The following TGFBRAP1 variants were observed in gnomAD, a reference collection of about 807,000 sequenced individuals.
TGFBRAP1 encodes the protein transforming growth factor beta receptor associated protein 1.
In TGFBRAP1, 20 loss-of-function variants were observed where a neutral mutation model predicts 83.2. The ratio of observed to expected loss-of-function variants is 0.24; its 90% confidence interval spans 0.17 to 0.35. The LOEUF is 0.35. Among genes scored for constraint, TGFBRAP1 ranks in the 10% least tolerant of loss-of-function variants. The probability of loss-of-function intolerance (pLI) is 1.00; values close to 1 mark genes in which losing one functional copy is unlikely to be tolerated. For synonymous variants in TGFBRAP1, 415 were observed against 459.8 expected, an observed-to-expected ratio of 0.90 and a Z score of 1.25; for missense variants, 950 against 1,099.4, an observed-to-expected ratio of 0.86 and a Z score of 1.92.
intron 4 of TGFBRAP1, among the ~76,000 whole-genome samples, chr2:105,284,851 A>G (rs1244350775): frequency 2.0e-5 from 3 of 152,214 alleles, no homozygotes. Flanking sequence ...AGATGCAGAA[A>G]TGCTGCATGT....
chr2:105,302,852 C>G (rs552338051), intron 2 of TGFBRAP1, among the ~76,000 whole-genome samples: 1 of 152,286 alleles, frequency 6.6e-6, no homozygotes, highest in African/African-American at 2.4e-5. Flanking sequence ...CATAACCACA[C>G]AGAGGAGAAC....
Position 105,267,071 on chromosome 2 carries a change from C to CTTT in TGFBRAP1, c.*309_*311dup. 1.8e-5 allele frequency: 4 copies of CTTT among 221,922 alleles called. No homozygotes were observed. Among genetic ancestry groups the CTTT allele is most frequent in the Non-Finnish European group, 3.5e-5 (4 of 115,128 alleles). 13.7% of individuals were successfully genotyped at this position (221,922 alleles called of 1,614,324 possible). On this transcript the variant is annotated 3_prime_UTR_variant, in exon 12 of 12. Transcript: ENST00000393359. ...GTCTGGACTGCATGAGGAAGACTCC[C>CTTT]TTTTTTTTTTTTTCAAAGTAGACCT...
rs557992032 is a variant in TGFBRAP1 at position 105,273,106 on chromosome 2, G to A, written c.1813-92C>T. 3.8e-4 allele frequency: 565 copies of A among 1,498,238 alleles called. 1 individual carries two copies. The highest frequency in any genetic ancestry group is 4.7e-4 in the Non-Finnish European group (526 of 1,112,638). The allele number at this position is 1,498,238 out of a possible 1,614,324, so 92.8% of individuals were successfully genotyped here. ...CTGTCAGCCAGGGCTTGGAGACCGC[G>A]GCTGCACTGACATGAGCTGGGCAGA... is the stretch of plus-strand genomic sequence containing the variant. On this transcript the variant is annotated intron_variant, in intron 9 of 11. Coordinates refer to ENST00000393359, the MANE Select transcript of TGFBRAP1 (RefSeq NM_004257.6).
At chr2:105,311,649 AC>A (rs1678697732) in intron 1 of TGFBRAP1, among the ~76,000 whole-genome samples, 1 of 152,104 alleles carries the variant, frequency 6.6e-6, no homozygotes, top group Non-Finnish European at 1.5e-5. Context: ...CTGTAATCCC[AC>A]CATTTTGGGA....
At chr2:105,297,113 C>A (rs1678116112) in intron 3 of TGFBRAP1, among the ~76,000 whole-genome samples, 1 of 152,102 alleles carries the variant, frequency 6.6e-6, no homozygotes, top group African/African-American at 2.4e-5. Flanking sequence ...CACAGGTAGT[C>A]TGTGGAAGAG....
At chr2:105,286,559 A>G (rs1677726801) in intron 4 of TGFBRAP1, among the ~76,000 whole-genome samples, 2 of 152,186 alleles carry the variant, frequency 1.3e-5, no homozygotes, top group African/African-American at 4.8e-5. Context: ...GGATGCTCCA[A>G]GTTTCTTTTT....
intron 4 of TGFBRAP1, 117 bp from the exon 5 acceptor site, chr2:105,284,515 T>C: frequency 1.1e-6 from 1 of 916,476 alleles, no homozygotes; most frequent in South Asian, 1.5e-5. Context: ...AATTACAAGC[T>C]GAGGAAAAAA....
In TGFBRAP1 at chr2:105,269,235, A is replaced by C; in HGVS notation, c.2406+37T>G. 1 of 1,539,702 alleles carries C rather than the reference A, an allele frequency of 6.5e-7. No individual in the cohort carries two copies. The highest frequency in any genetic ancestry group is 8.8e-7 in the Non-Finnish European group (1 of 1,139,044). ...AAAATCTACCTTCAGTACAATGTTG[A>C]CTGACCAGGAAGCAGCTCGTGGGGG... is the stretch of plus-strand genomic sequence containing the variant. On this transcript the variant is annotated intron_variant, in intron 11 of 11. Transcript: ENST00000393359. This position sits in a 1 kb window ranked among gnomAD's most constrained non-coding sequence, Gnocchi z 4.1.
chr2:105,274,697 T>C (rs527593883), intron 8 of TGFBRAP1, among the ~76,000 whole-genome samples: 3 of 152,290 alleles, frequency 2.0e-5, no homozygotes, highest in South Asian at 2.1e-4. Context: ...AAAGTAAAGA[T>C]GGAGAAACAA....
chr2:105,270,630 C>T (rs113022881), intron 10 of TGFBRAP1, among the ~76,000 whole-genome samples: 1 of 152,232 alleles, frequency 6.6e-6, no homozygotes, highest in African/African-American at 2.4e-5. Context: ...TTGGCTGTCG[C>T]TTAGGCCTGA....
At chr2:105,314,946 T>C (rs1678807344) in intron 1 of TGFBRAP1, among the ~76,000 whole-genome samples, 2 of 119,732 alleles carry the variant, frequency 1.7e-5, no homozygotes, top group African/African-American at 3.0e-5. Flanking sequence ...CGAGACTCTG[T>C]CTCAAAAAAA....
downstream of TGFBRAP1, among the ~76,000 whole-genome samples, chr2:105,263,811 G>A (rs757258798): frequency 4.0e-5 from 6 of 150,866 alleles, no homozygotes; most frequent in East Asian, 7.9e-4. Context: ...ACTTGGACCC[G>A]GGAGGTGGAG....
At chr2:105,271,374 G>A (rs940173587) in intron 10 of TGFBRAP1, among the ~76,000 whole-genome samples, 17 of 152,242 alleles carry the variant, frequency 1.1e-4, no homozygotes, top group African/African-American at 4.1e-4. Context: ...GAATAAGTCA[G>A]GAGTGAGTAA....
At chr2:105,290,752 C>T (rs1677882552) in intron 4 of TGFBRAP1, among the ~76,000 whole-genome samples, 1 of 151,926 alleles carries the variant, frequency 6.6e-6, no homozygotes, top group Admixed American at 6.6e-5. Context: ...CACCTGTAGT[C>T]CTAGCACTTT....
In TGFBRAP1 at chr2:105,269,209, T is replaced by C; in HGVS notation, c.2406+63A>G. 1 of 1,475,906 alleles carries C rather than the reference T, an allele frequency of 6.8e-7. No homozygotes were observed. Among genetic ancestry groups the C allele is most frequent in the Non-Finnish European group, 9.0e-7 (1 of 1,109,084 alleles). The allele number at this position is 1,475,906 out of a possible 1,614,324, so 91.4% of individuals were successfully genotyped here. A position where few individuals can be genotyped will look rare whatever the true frequency, so the allele number is the denominator to read the frequency against. On this transcript the variant is annotated intron_variant, in intron 11 of 11. Transcript: ENST00000393359. The surrounding 1 kb of genome is among the most constrained non-coding windows in gnomAD (Gnocchi z 4.1). The stretch of plus-strand genomic sequence containing the variant: ...CCAACAAAGACTATTTTTCCATCAG[T>C]AAAATCTACCTTCAGTACAATGTTG...
At chr2:105,289,223 C>T (rs1178857440) in intron 4 of TGFBRAP1, among the ~76,000 whole-genome samples, 2 of 151,628 alleles carry the variant, frequency 1.3e-5, no homozygotes, top group African/African-American at 4.8e-5. Flanking sequence ...GGGTGCCAAA[C>T]TCTCTTGGGA....
At chr2:105,296,640 C>T (rs530691263) in intron 3 of TGFBRAP1, 130 bp from the exon 4 acceptor site, 11 of 1,028,408 alleles carry the variant, frequency 1.1e-5, no homozygotes, top group Non-Finnish European at 1.5e-5. Context: ...CAAAGGAATT[C>T]CTACAAAAAT....
chr2:105,252,453 G>A, the TGFBRAP1 span, among the ~76,000 whole-genome samples: 3 of 152,280 alleles, frequency 2.0e-5, no homozygotes, highest in Non-Finnish European at 2.9e-5. Flanking sequence ...CCCCTTGCAG[G>A]GGGTTCTGGG....
Position 105,313,257 on chromosome 2 carries a change from A to C in TGFBRAP1, c.-17-4939T>G, listed in dbSNP as rs143298353. On this transcript the variant is annotated intron_variant, in intron 1 of 11. Coordinates refer to ENST00000393359, the MANE Select transcript of TGFBRAP1 (RefSeq NM_004257.6). ...AGATTTTATATTACCCATAAGTTTC[A>C]AAGGAAGTTTCTGTGTTCTTTACTT... Among the ~76,000 whole-genome samples, 29 of 152,340 alleles carry C rather than the reference A, an allele frequency of 1.9e-4. No individual in the cohort carries two copies. The East Asian group carries it at 5.2e-3, about 27-fold the overall frequency.
Sources: allele counts gnomAD v4.1 joint callset (sites outside exome capture counted in the v4.1 genomes callset), GRCh38; gene constraint gnomAD v4.1.1; non-coding constraint Gnocchi (gnomAD v3.1); transcripts MANE v1.5; gene names NCBI Gene and HGNC (gene_info 2026-07-23, HGNC 2026-07-21).